The following PLAAT1 variants were observed in gnomAD, a reference collection of about 807,000 sequenced individuals.
PLAAT1 encodes the protein phospholipase A and acyltransferase 1.
A neutral mutation model predicts 16.4 loss-of-function variants in PLAAT1; 13 were observed. The ratio of observed to expected loss-of-function variants is 0.79; its 90% CI spans 0.52 to 1.26. The LOEUF (loss-of-function observed/expected upper bound fraction) is 1.26. PLAAT1 is among the 50% of genes most tolerant of loss of function. The probability of loss-of-function intolerance (pLI) is 0.00; values close to 1 mark genes in which losing one functional copy is unlikely to be tolerated. For synonymous variants in PLAAT1, 73 were observed against 78.4 expected, an observed-to-expected ratio of 0.93 and a Z score of 0.36; for missense variants, 218 against 207.8, an observed-to-expected ratio of 1.05 and a Z score of -0.30.
intron 2 of PLAAT1, among the ~76,000 whole-genome samples, chr3:193,261,620 C>G (rs111432133): frequency 6.6e-6 from 1 of 152,114 alleles, no homozygotes; most frequent in African/African-American, 2.4e-5. Context: ...AAGCAACCCT[C>G]TACATCTACA....
chr3:193,269,808 A>G (rs1453766138), intron 3 of PLAAT1, among the ~76,000 whole-genome samples: 1 of 152,172 alleles, frequency 6.6e-6, no homozygotes, highest in East Asian at 1.9e-4. Context: ...TGCCAAGAAT[A>G]CCATGAATAT....
chr3:193,277,186 T>C (rs1196452819), intron 2 of PLAAT1, among the ~76,000 whole-genome samples: 1 of 152,188 alleles, frequency 6.6e-6, no homozygotes, highest in Non-Finnish European at 1.5e-5. Flanking sequence ...ATTCATCAAA[T>C]AATGTTAATA....
In PLAAT1 at chr3:193,241,481, GA is replaced by G. The variant is rs1715743384; in HGVS notation, c.-52del. On this transcript the variant is annotated 5_prime_UTR_variant, in exon 1 of 4. The change creates a premature stop within an existing upstream ORF in the 5' untranslated region. Coordinates refer to ENST00000264735, the MANE Select transcript of PLAAT1 (RefSeq NM_020386.5). Reference sequence around the variant, plus strand: ...GCTGCGAGGCCAAGAGAGACCCCAGGACACACACAGCTGCCTCCCGGTGCGA... The same window carrying G: ...GCTGCGAGGCCAAGAGAGACCCCAGGCACACACAGCTGCCTCCCGGTGCGA... 2 of 1,231,876 alleles carry G rather than the reference GA, an allele frequency of 1.6e-6. No homozygotes were observed. The highest frequency in any genetic ancestry group is 3.1e-5 in the African/African-American group (2 of 64,420). The allele number at this position is 1,231,876 out of a possible 1,614,324, so 76.3% of individuals were successfully genotyped here.
chr3:193,244,703 TG>T, intron 1 of PLAAT1, among the ~76,000 whole-genome samples: 1 of 152,258 alleles, frequency 6.6e-6, no homozygotes, highest in South Asian at 2.1e-4. Context: ...AGAGCCTTCT[TG>T]TTGGTGGAGA....
intron 1 of PLAAT1, among the ~76,000 whole-genome samples, chr3:193,244,470 T>G (rs920786371): frequency 3.2e-4 from 48 of 148,606 alleles, no homozygotes; most frequent in Middle Eastern, 3.6e-3. Context: ...CTCATTTTGT[T>G]TTTTTTTTTT....
intron 1 of PLAAT1, among the ~76,000 whole-genome samples, chr3:193,251,996 T>G (rs1162802288): frequency 1.3e-5 from 2 of 152,198 alleles, no homozygotes; most frequent in Non-Finnish European, 1.5e-5. Flanking sequence ...GAAATTAGTC[T>G]GTTTGCATTA....
chr3:193,275,599 C>T (rs574333082), downstream of PLAAT1, among the ~76,000 whole-genome samples: 4 of 152,296 alleles, frequency 2.6e-5, no homozygotes, highest in South Asian at 8.3e-4. Flanking sequence ...ATGGTAACAG[C>T]AATAACGTGC....
intron 1 of PLAAT1, among the ~76,000 whole-genome samples, chr3:193,252,603 G>T (rs531360160): frequency 6.6e-6 from 1 of 152,082 alleles, no homozygotes; most frequent in South Asian, 2.1e-4. Context: ...CATACTTTTG[G>T]TATCAAGTCT....
chr3:193,243,462 T>G (rs151266495), intron 1 of PLAAT1, among the ~76,000 whole-genome samples: 1 of 152,242 alleles, frequency 6.6e-6, no homozygotes, highest in African/African-American at 2.4e-5. Flanking sequence ...GAGGTTCCAC[T>G]TCACATTATC....
At chr3:193,279,561 T>G, downstream of PLAAT1, 2 of 788,954 alleles carry the variant, frequency 2.5e-6, no homozygotes, top group Non-Finnish European at 4.3e-6. Flanking sequence ...CAGATATATC[T>G]TCAGATGTTT....
intron 3 of PLAAT1, among the ~76,000 whole-genome samples, chr3:193,270,134 C>T (rs1716937049): frequency 6.6e-6 from 1 of 151,496 alleles, no homozygotes; most frequent in Non-Finnish European, 1.5e-5. Context: ...TTGGTGTAGA[C>T]CCAACCAATC....
intron 1 of PLAAT1, among the ~76,000 whole-genome samples, chr3:193,252,337 A>C (rs1246510166): frequency 6.6e-6 from 1 of 152,192 alleles, no homozygotes. Context: ...ACTGGGGATT[A>C]CATTTCAACA....
downstream of PLAAT1, chr3:193,279,415 G>T (rs144724475): frequency 1.5e-5 from 25 of 1,613,878 alleles, no homozygotes; most frequent in Middle Eastern, 1.7e-4. Context: ...AATGAAAATT[G>T]TGAGGCCCAA....
downstream of PLAAT1, among the ~76,000 whole-genome samples, chr3:193,279,673 C>CATA (rs1283164550): frequency 6.6e-6 from 1 of 152,118 alleles, no homozygotes; most frequent in Non-Finnish European, 1.5e-5. Context: ...GACTGTTAAT[C>CATA]AAATGTATTA....
At chr3:193,251,232 C>A (rs1716182602) in intron 1 of PLAAT1, among the ~76,000 whole-genome samples, 1 of 152,168 alleles carries the variant, frequency 6.6e-6, no homozygotes, top group African/African-American at 2.4e-5. Flanking sequence ...CATGTTCTTG[C>A]TGGCAGAGGC....
In PLAAT1 at chr3:193,255,731, C is replaced by G. The variant is rs774620786; in HGVS notation, c.81C>G (p.Gly27=). 2 of 1,613,344 alleles carry G rather than the reference C, an allele frequency of 1.2e-6. No homozygotes were observed. Among genetic ancestry groups the G allele is most frequent in the Non-Finnish European group, 1.7e-6 (2 of 1,179,514 alleles). ...PGDLIEVFRP[G]YQHWALYLGD... is the part of the protein sequence containing the mutation. ...ACTTGATCGAAGTGTTCCGTCCTGG[C>G]TATCAGCACTGGGCCCTGTACTTGG... The change falls in exon 2 of 4, where the codon GGC becomes GGG. Residue 27 remains glycine, a synonymous_variant. Coordinates refer to ENST00000264735, the MANE Select transcript of PLAAT1 (RefSeq NM_020386.5).
At chr3:193,245,099 A>G (rs1415100593) in intron 1 of PLAAT1, among the ~76,000 whole-genome samples, 1 of 152,192 alleles carries the variant, frequency 6.6e-6, no homozygotes, top group African/African-American at 2.4e-5. Flanking sequence ...GCAGTACATT[A>G]TTATGTGTGG....
chr3:193,271,752 C>G (rs1716988030), downstream of PLAAT1, among the ~76,000 whole-genome samples: 1 of 152,106 alleles, frequency 6.6e-6, no homozygotes, highest in African/African-American at 2.4e-5. Flanking sequence ...GGGGTTGATA[C>G]AGTGAGAAAG....
chr3:193,241,629 A>G (rs1715751248), intron 1 of PLAAT1, 96 bp downstream of exon 1: 1 of 865,824 alleles, frequency 1.2e-6, no homozygotes, highest in African/African-American at 1.7e-5. Flanking sequence ...ATGACTAGAG[A>G]ACAACGGAGC....
Sources: allele counts gnomAD v4.1 joint callset (sites outside exome capture counted in the v4.1 genomes callset), GRCh38; gene constraint gnomAD v4.1.1; transcripts MANE v1.5; gene names NCBI Gene and HGNC (gene_info 2026-07-23, HGNC 2026-07-21).